The following PCDHA2 variants were observed in gnomAD, a reference collection of about 807,000 sequenced individuals.
The protein encoded by PCDHA2 is protocadherin alpha-2.
PCDHA2 carries 58 observed loss-of-function variants against 66.0 expected under a neutral mutation model. The observed-to-expected ratio is 0.88, with a 90% CI of 0.71 to 1.09. The LOEUF is 1.09. Ranked by LOEUF, PCDHA2 falls within the 50% of genes least tolerant of loss-of-function variation. The pLI is 0.00. For synonymous variants in PCDHA2, 634 were observed against 554.0 expected, an observed-to-expected ratio of 1.14 and a Z score of -2.03; for missense variants, 1,267 against 1,242.3, an observed-to-expected ratio of 1.02 and a Z score of -0.30.
At chr5:140,892,563 T>G (rs1554185281) in intron 1 of PCDHA2, among the ~76,000 whole-genome samples, 2 of 152,248 alleles carry the variant, frequency 1.3e-5, no homozygotes, top group Admixed American at 6.5e-5. Context: ...CCTTGGAGAC[T>G]GTCAAAAGTA....
chr5:140,927,322 A>T (rs782465180), intron 1 of PCDHA2: 1 of 1,613,780 alleles, frequency 6.2e-7, no homozygotes, highest in Non-Finnish European at 8.5e-7. Flanking sequence ...AGCCCGCTTT[A>T]CTCTCCCGAA....
Position 140,876,759 on chromosome 5 carries a change from T to C in PCDHA2, c.2388+79407T>C, listed in dbSNP as rs782783090. The C allele has an allele frequency of 1.2e-5, 19 of 1,614,028 alleles. No homozygotes were observed. In the Admixed American group the frequency reaches 2.8e-4, roughly 24 times the overall value. Reference sequence around the variant, plus strand: ...ATGAGCTGGTGGTGACTGCGCGGGATGGGGGCTCGCCTTCGCTGTGGGCCA... The same window carrying C: ...ATGAGCTGGTGGTGACTGCGCGGGACGGGGGCTCGCCTTCGCTGTGGGCCA... On this transcript the variant is annotated intron_variant, in intron 1 of 3. Transcript: ENST00000526136.
At chr5:140,836,551 G>A in intron 1 of PCDHA2, 1 of 1,613,756 alleles carries the variant, frequency 6.2e-7, no homozygotes, top group South Asian at 1.1e-5. Context: ...GCGTTGCGGT[G>A]CTCAGCGCCG....
Position 140,996,044 on chromosome 5 carries a change from A to G in PCDHA2, c.2536+13481A>G, listed in dbSNP as rs569475149. Among the ~76,000 whole-genome samples, 13 of 152,366 alleles carry G rather than the reference A, an allele frequency of 8.5e-5. No homozygotes were observed. The South Asian group carries it at 1.9e-3, about 22-fold the overall frequency. Reference sequence around the variant, plus strand: ...GTTTAATGCTCCTAGCACTTAACACAGTGCTTGGCACACAGTAAAGAGGAT... The same window carrying G: ...GTTTAATGCTCCTAGCACTTAACACGGTGCTTGGCACACAGTAAAGAGGAT... On this transcript the variant is annotated intron_variant, in intron 3 of 3. Coordinates refer to ENST00000526136, the MANE Select transcript of PCDHA2 (RefSeq NM_018905.3).
chr5:140,853,897 G>A, intron 1 of PCDHA2: 2 of 967,612 alleles, frequency 2.1e-6, no homozygotes, highest in Non-Finnish European at 2.5e-6. Context: ...AAAAGATGTG[G>A]TGGCCTGACA....
intron 3 of PCDHA2, among the ~76,000 whole-genome samples, chr5:141,009,383 C>T (rs2098407441): frequency 6.6e-6 from 1 of 152,198 alleles, no homozygotes; most frequent in African/African-American, 2.4e-5. Flanking sequence ...TGATTGAGCA[C>T]AGGAGGTCGA....
At chr5:140,928,994 T>G (rs781964406) in intron 1 of PCDHA2, 2 of 1,613,992 alleles carry the variant, frequency 1.2e-6, no homozygotes, top group Admixed American at 3.3e-5. Flanking sequence ...TGCTTACTTT[T>G]CTTCGTGTGT....
In PCDHA2 at chr5:140,803,078, C is replaced by T. The variant is rs781941927; in HGVS notation, c.2388+5726C>T. 4.3e-6 allele frequency: 7 copies of T among 1,613,812 alleles called. No individual in the cohort carries two copies. In the African/African-American group the frequency reaches 6.7e-5, roughly 15 times the overall value. On this transcript the variant is annotated intron_variant, in intron 1 of 3. Coordinates refer to ENST00000526136, the MANE Select transcript of PCDHA2 (RefSeq NM_018905.3). ...GCATCCCGTTTCGCGTGGGGCTGTA[C>T]ACGGGAGAGATCAGCACGACCCGTG...
intron 1 of PCDHA2, among the ~76,000 whole-genome samples, chr5:140,950,472 T>C (rs782525513): frequency 2.0e-5 from 3 of 152,084 alleles, no homozygotes; most frequent in East Asian, 1.9e-4. Context: ...TCATAGTTTC[T>C]GATGAGAAGT....
In PCDHA2 at chr5:140,853,170, C is replaced by T. The variant is rs1034307381; in HGVS notation, c.2388+55818C>T. 1.5e-5 allele frequency: 14 copies of T among 964,092 alleles called. 1 individual carries two copies. The highest frequency in any genetic ancestry group is 4.8e-5 in the South Asian group (1 of 20,842). The allele number at this position is 964,092 out of a possible 1,614,324, so 59.7% of individuals were successfully genotyped here. A position where few individuals can be genotyped will look rare whatever the true frequency, so the allele number is the denominator to read the frequency against. ...CTGGGATTACAGGCGTGAGCCACCGCGCCTGGCCTAAAATGTGTTCTTTAT... is the reference window on the plus strand; with the variant it reads ...CTGGGATTACAGGCGTGAGCCACCGTGCCTGGCCTAAAATGTGTTCTTTAT... On this transcript the variant is annotated intron_variant, in intron 1 of 3. Transcript: ENST00000526136.
intron 1 of PCDHA2, among the ~76,000 whole-genome samples, chr5:140,891,792 G>A (rs2063250974): frequency 6.6e-6 from 1 of 152,152 alleles, no homozygotes; most frequent in Non-Finnish European, 1.5e-5. Flanking sequence ...TAGATTATGA[G>A]GGATCTGCCC....
intron 1 of PCDHA2, chr5:140,867,918 T>C (rs1236326427): frequency 6.6e-6 from 1 of 152,144 alleles, no homozygotes; most frequent in Non-Finnish European, 1.5e-5. Context: ...TAATTAAAAA[T>C]CACTTCCCTT....
At chr5:140,967,128 T>G in intron 1 of PCDHA2, 14 of 1,612,170 alleles carry the variant, frequency 8.7e-6, no homozygotes, top group Non-Finnish European at 1.1e-5. Flanking sequence ...CTGCTCAGCT[T>G]GGAAGTGCTG....
intron 1 of PCDHA2, among the ~76,000 whole-genome samples, chr5:140,904,728 T>G (rs1357605257): frequency 6.6e-6 from 1 of 152,198 alleles, no homozygotes; most frequent in Non-Finnish European, 1.5e-5. Flanking sequence ...CCAACATCTA[T>G]TATTTTTTTA....
rs183542590 is a variant in PCDHA2 at position 140,969,555 on chromosome 5, C to T, written c.2389-9394C>T. On this transcript the variant is annotated intron_variant, in intron 1 of 3. Coordinates refer to ENST00000526136, the MANE Select transcript of PCDHA2 (RefSeq NM_018905.3). ...CATTTTCAGAGGCATGAAGCCTTGT[C>T]CATAAAATTGTTTGAGAAGTGAGGA... The T allele has an allele frequency of 1.2e-5, 15 of 1,213,382 alleles. 1 individual carries two copies. The highest frequency in any genetic ancestry group is 1.7e-5 in the South Asian group (1 of 59,354). The allele number at this position is 1,213,382 out of a possible 1,614,324, so 75.2% of individuals were successfully genotyped here. A position where few individuals can be genotyped will look rare whatever the true frequency, so the allele number is the denominator to read the frequency against.
intron 1 of PCDHA2, chr5:140,836,241 A>C: frequency 6.2e-7 from 1 of 1,613,778 alleles, no homozygotes; most frequent in Non-Finnish European, 8.5e-7. Context: ...CGGTGCGAGC[A>C]TCCCGTTCCG....
intron 1 of PCDHA2, among the ~76,000 whole-genome samples, chr5:140,893,392 C>T (rs116952410): frequency 6.6e-6 from 1 of 152,112 alleles, no homozygotes; most frequent in African/African-American, 2.4e-5. Context: ...GTGGCTCATG[C>T]CTGTAATCCC....
rs1562165837 is a variant in PCDHA2, at chr5:140,797,147, C to G, written c.2183C>G (p.Thr728Ser). Residue 728 changes from threonine (T) to serine (S), a missense_variant, in exon 1 of 4, where the codon ACC becomes AGC. Coordinates refer to ENST00000526136, the MANE Select transcript of PCDHA2 (RefSeq NM_018905.3). ...YTALRCSVPP[T>S]EGARAPGKPT... Reference sequence around the variant, plus strand: ...GCGCTGCGGTGCTCGGTGCCACCCACCGAGGGTGCGCGCGCGCCAGGAAAG... The same window carrying G: ...GCGCTGCGGTGCTCGGTGCCACCCAGCGAGGGTGCGCGCGCGCCAGGAAAG... The G allele has an allele frequency of 3.1e-6, 5 of 1,613,838 alleles. No individual in the cohort carries two copies. Among genetic ancestry groups the G allele is most frequent in the Non-Finnish European group, 4.2e-6 (5 of 1,179,978 alleles).
chr5:140,824,083 G>C (rs2150132035), intron 1 of PCDHA2: 7 of 1,614,188 alleles, frequency 4.3e-6, no homozygotes, highest in Non-Finnish European at 5.9e-6. Context: ...AGACCTCATG[G>C]CCTTCAGTCC....
Sources: gnomAD v4.1 joint callset for allele counts (sites outside exome capture counted in the v4.1 genomes callset) on GRCh38, gnomAD v4.1.1 for gene constraint, MANE v1.5 for transcripts, NCBI Gene and HGNC (gene_info 2026-07-23, HGNC 2026-07-21) for gene names.